The following PPFIA2 variants were observed in gnomAD, a reference collection of about 807,000 sequenced individuals.
The protein encoded by PPFIA2 is liprin-alpha-2.
In PPFIA2, 46 loss-of-function variants were observed where a neutral mutation model predicts 175.5. That is an observed-to-expected ratio of 0.26 (90% confidence interval 0.21 to 0.34). The LOEUF (loss-of-function observed/expected upper bound fraction) is 0.34. Ranked by LOEUF, PPFIA2 falls within the 10% of genes least tolerant of loss-of-function variation. The probability of loss-of-function intolerance (pLI) is 1.00; values close to 1 mark genes in which losing one functional copy is unlikely to be tolerated. For missense variants in PPFIA2, 1,179 were observed against 1,506.1 expected, an observed-to-expected ratio of 0.78 and a Z score of 3.60; for synonymous variants, 568 against 511.4, an observed-to-expected ratio of 1.11 and a Z score of -1.49.
At chr12:81,407,501 A>C (rs1459221001) in intron 7 of PPFIA2, among the ~76,000 whole-genome samples, 1 of 150,906 alleles carries the variant, frequency 6.6e-6, no homozygotes, top group African/African-American at 2.4e-5. Context: ...ATAAAATAAA[A>C]TAAAATAAAA....
At chr12:81,626,522 T>C (rs1463275453) in intron 4 of PPFIA2, among the ~76,000 whole-genome samples, 7 of 152,022 alleles carry the variant, frequency 4.6e-5, no homozygotes, top group Non-Finnish European at 8.8e-5. Flanking sequence ...ATGAATAGAA[T>C]TTATCTCTTG....
intron 17 of PPFIA2, among the ~76,000 whole-genome samples, chr12:81,352,843 C>G (rs1323048500): frequency 6.6e-6 from 1 of 152,084 alleles, no homozygotes; most frequent in Non-Finnish European, 1.5e-5. Context: ...TTGCCTTTAA[C>G]TTATTCTTCT....
rs116352172 is a variant in PPFIA2, at chr12:81,520,309, G to A, written c.304-62443C>T. Among the ~76,000 whole-genome samples, 557 of 152,296 alleles carry A rather than the reference G, an allele frequency of 3.7e-3. 3 individuals carry two copies. The highest frequency in any genetic ancestry group is 0.012 in the African/African-American group (518 of 41,568). On this transcript the variant is annotated intron_variant, in intron 4 of 32. Transcript: ENST00000549396. ...GGAGGATTCATGTCTCAGGCAGAAC[G>A]AAGCAGGTTGGCATGAGATTTCATC...
chr12:81,509,538 A>G (rs1423840524), intron 4 of PPFIA2, among the ~76,000 whole-genome samples: 1 of 151,040 alleles, frequency 6.6e-6, no homozygotes, highest in Admixed American at 6.6e-5. Flanking sequence ...TTCTTCACCC[A>G]TATTTTCTTG....
chr12:81,548,315 A>G (rs1003682332), intron 4 of PPFIA2, among the ~76,000 whole-genome samples: 3 of 152,058 alleles, frequency 2.0e-5, no homozygotes, highest in African/African-American at 7.2e-5. Flanking sequence ...GCCTTCCAAT[A>G]ATTTTTCTTT....
At chr12:81,341,473 GC>G (rs1395999231) in intron 19 of PPFIA2, among the ~76,000 whole-genome samples, 1 of 151,814 alleles carries the variant, frequency 6.6e-6, no homozygotes, top group African/African-American at 2.4e-5. Flanking sequence ...CATAGATCAA[GC>G]TTTTCCAACC....
chr12:81,729,292 A>C (rs2080519772), intron 3 of PPFIA2, among the ~76,000 whole-genome samples: 1 of 151,544 alleles, frequency 6.6e-6, no homozygotes, highest in South Asian at 2.1e-4. Context: ...AACCATGGTC[A>C]CACAGAAAAA....
At chr12:81,320,028 A>C (rs2139551623) in intron 22 of PPFIA2, among the ~76,000 whole-genome samples, 1 of 147,430 alleles carries the variant, frequency 6.8e-6, no homozygotes. Context: ...TTATAAATTA[A>C]GTTCTGGAAT....
intron 16 of PPFIA2, 74 bp downstream of exon 16, chr12:81,358,008 G>T: frequency 2.3e-6 from 3 of 1,304,486 alleles, no homozygotes; most frequent in Non-Finnish European, 3.1e-6. Context: ...AATTATCTCA[G>T]TGTTAAAATT....
At chr12:81,352,875 A>T (rs149341856) in intron 17 of PPFIA2, among the ~76,000 whole-genome samples, 1 of 152,264 alleles carries the variant, frequency 6.6e-6, no homozygotes, top group African/African-American at 2.4e-5. Flanking sequence ...GATGTCATTA[A>T]TCTTATATGT....
chr12:81,334,386 A>G (rs1357950900), intron 21 of PPFIA2, among the ~76,000 whole-genome samples: 1 of 152,134 alleles, frequency 6.6e-6, no homozygotes. Context: ...CCTAAAGTCC[A>G]TAATTGGTAC....
chr12:81,634,511 T>C (rs1285468662), intron 4 of PPFIA2, among the ~76,000 whole-genome samples: 1 of 152,074 alleles, frequency 6.6e-6, no homozygotes, highest in African/African-American at 2.4e-5. Context: ...AATATCTTCC[T>C]GCAAGTGAGC....
intron 4 of PPFIA2, chr12:81,535,332 T>C: frequency 2.2e-6 from 1 of 451,234 alleles, no homozygotes; most frequent in Admixed American, 2.4e-5. Context: ...GTTCCGGAGT[T>C]TGGGAACTCT....
intron 5 of PPFIA2, 50 bp downstream of exon 5, chr12:81,457,715 G>T: frequency 9.2e-7 from 1 of 1,087,594 alleles, no homozygotes; most frequent in Non-Finnish European, 1.4e-6. Context: ...TACATGTAAT[G>T]CATTGAACTA....
intron 24 of PPFIA2, among the ~76,000 whole-genome samples, chr12:81,288,364 G>C (rs967866070): frequency 2.0e-5 from 3 of 151,740 alleles, no homozygotes; most frequent in Non-Finnish European, 4.4e-5. Flanking sequence ...TTTTATGCTT[G>C]AGATTATCTT....
At chr12:81,593,920 C>A (rs2058964854) in intron 4 of PPFIA2, among the ~76,000 whole-genome samples, 1 of 152,098 alleles carries the variant, frequency 6.6e-6, no homozygotes, top group Non-Finnish European at 1.5e-5. Context: ...AACTAGGCTG[C>A]AGAACAGAAG....
intron 4 of PPFIA2, among the ~76,000 whole-genome samples, chr12:81,572,306 C>T (rs745392019): frequency 9.9e-5 from 15 of 152,074 alleles, no homozygotes; most frequent in Non-Finnish European, 2.1e-4. Flanking sequence ...TTGGACCACC[C>T]TTTAAAAAAT....
At chr12:81,387,220 G>A (rs911675710) in intron 8 of PPFIA2, among the ~76,000 whole-genome samples, 2 of 152,038 alleles carry the variant, frequency 1.3e-5, no homozygotes, top group African/African-American at 2.4e-5. Context: ...TTTAACAGGT[G>A]TAAAATTGTG....
Position 81,504,565 on chromosome 12 carries a change from C to T in PPFIA2, c.304-46699G>A, listed in dbSNP as rs567570356. 1.1e-3 allele frequency among the ~76,000 whole-genome samples: 173 copies of T among 152,150 alleles called. 1 individual carries two copies. The highest frequency in any genetic ancestry group is 2.6e-3 in the Admixed American group (40 of 15,284). On this transcript the variant is annotated intron_variant, in intron 4 of 32. Transcript: ENST00000549396. ...TTGGTGGGAGTGTAAACTAGTTCAA[C>T]CATTGTGGAAGACAGTGTGGTCATT...
Sources: gnomAD v4.1 joint callset for allele counts (sites outside exome capture counted in the v4.1 genomes callset) on GRCh38, gnomAD v4.1.1 for gene constraint, MANE v1.5 for transcripts, NCBI Gene and HGNC (gene_info 2026-07-23, HGNC 2026-07-21) for gene names.